The following EDIL3 variants were observed in gnomAD, a reference collection of about 807,000 sequenced individuals.
EDIL3 encodes the protein EGF like and discoidin domains 3.
EDIL3 carries 37 observed loss-of-function variants against 67.4 expected under a neutral mutation model. The observed-to-expected ratio is 0.55, with a 90% CI of 0.42 to 0.72. EDIL3 has a LOEUF of 0.72. Ranked by LOEUF, EDIL3 falls within the 30% of genes least tolerant of loss-of-function variation. The pLI is 0.00. For missense variants in EDIL3, 527 were observed against 586.3 expected (o/e 0.90, Z 1.04); for synonymous variants, 195 against 196.3 (o/e 0.99, Z 0.05).
At chr5:84,244,212 A>C (rs1744861310) in intron 2 of EDIL3, among the ~76,000 whole-genome samples, 1 of 152,234 alleles carries the variant, frequency 6.6e-6, no homozygotes, top group Non-Finnish European at 1.5e-5. Flanking sequence ...GATTTGTATT[A>C]GATGTTACAG....
At chr5:84,286,621 A>G (rs1176570530) in intron 1 of EDIL3, among the ~76,000 whole-genome samples, 1 of 152,176 alleles carries the variant, frequency 6.6e-6, no homozygotes, top group Non-Finnish European at 1.5e-5. Context: ...GAGTCTTTAT[A>G]TAAGGGAGCC....
chr5:84,170,137 C>T (rs1477608246), intron 4 of EDIL3, among the ~76,000 whole-genome samples: 3 of 152,160 alleles, frequency 2.0e-5, no homozygotes, highest in Non-Finnish European at 2.9e-5. Flanking sequence ...GCTGCCTTTA[C>T]AGGAGAAATG....
At chr5:84,359,282 T>C (rs980787027) in intron 1 of EDIL3, among the ~76,000 whole-genome samples, 8 of 152,218 alleles carry the variant, frequency 5.3e-5, no homozygotes, top group African/African-American at 1.9e-4. Context: ...TTTGGATAAA[T>C]GTCATCTCTA....
intron 1 of EDIL3, among the ~76,000 whole-genome samples, chr5:84,353,852 T>G (rs1010049443): frequency 3.3e-5 from 5 of 152,192 alleles, no homozygotes; most frequent in African/African-American, 7.2e-5. Flanking sequence ...TTATTTTGTA[T>G]TTTTCAAAAT....
At chr5:84,381,501 T>A (rs1054794439) in intron 1 of EDIL3, among the ~76,000 whole-genome samples, 1 of 152,184 alleles carries the variant, frequency 6.6e-6, no homozygotes, top group Non-Finnish European at 1.5e-5. Flanking sequence ...TCTGTATAAA[T>A]GTAACTATAC....
intron 1 of EDIL3, among the ~76,000 whole-genome samples, chr5:84,305,930 A>ATAG (rs1746266191): frequency 8.0e-6 from 1 of 124,764 alleles, no homozygotes; most frequent in Non-Finnish European, 1.8e-5. Context: ...TAGATAGATA[A>ATAG]ATAAATAAAA....
At chr5:84,223,917 T>C (rs537524068) in intron 3 of EDIL3, among the ~76,000 whole-genome samples, 1 of 151,564 alleles carries the variant, frequency 6.6e-6, no homozygotes, top group Admixed American at 6.6e-5. Flanking sequence ...ATTTTTACCA[T>C]TTACATATAT....
intron 9 of EDIL3, among the ~76,000 whole-genome samples, chr5:83,977,287 T>C (rs1744891551): frequency 6.6e-6 from 1 of 151,886 alleles, no homozygotes; most frequent in Non-Finnish European, 1.5e-5. Context: ...ATTTTATGCA[T>C]TTCTGAAATA....
rs575131747 is a variant in EDIL3 at position 84,022,510 on chromosome 5, G to C, written c.1137+37790C>G. 3.9e-5 allele frequency among the ~76,000 whole-genome samples: 6 copies of C among 151,940 alleles called. No individual in the cohort carries two copies. The East Asian group carries it at 1.2e-3, about 29-fold the overall frequency. On this transcript the variant is annotated intron_variant, in intron 9 of 10. Transcript: ENST00000296591. ...ACTCTACCAAAAAATTATTAGAACT[G>C]ATAAACAATTTCAGTATACATAATG... is the stretch of plus-strand genomic sequence containing the variant.
chr5:84,153,383 G>T (rs539698022), intron 4 of EDIL3, among the ~76,000 whole-genome samples: 1 of 152,078 alleles, frequency 6.6e-6, no homozygotes, highest in Non-Finnish European at 1.5e-5. Context: ...TGCAACCTCC[G>T]CCTCCCAGGT....
rs1746108418 is a variant in EDIL3 at position 84,040,916 on chromosome 5, G to T, written c.1137+19384C>A. Among the ~76,000 whole-genome samples the T allele has an allele frequency of 2.6e-5, 4 of 152,192 alleles. No individual in the cohort carries two copies. The South Asian group carries it at 8.3e-4, about 31-fold the overall frequency. On this transcript the variant is annotated intron_variant, in intron 9 of 10. Transcript: ENST00000296591. ...GGAGGCCAAGGCCGATGGATCGCTT[G>T]AGCTCAAGAGTTCGAGACCAGCCTG... is the stretch of plus-strand genomic sequence containing the variant.
intron 3 of EDIL3, among the ~76,000 whole-genome samples, chr5:84,200,651 A>G (rs1034162347): frequency 6.6e-6 from 1 of 152,110 alleles, no homozygotes; most frequent in Non-Finnish European, 1.5e-5. Context: ...TGTTTTAACA[A>G]AACTAATTAG....
At chr5:84,010,480 T>C (rs142470733) in intron 9 of EDIL3, among the ~76,000 whole-genome samples, 2 of 152,286 alleles carry the variant, frequency 1.3e-5, no homozygotes, top group African/African-American at 4.8e-5. Flanking sequence ...ATTATTATTT[T>C]TCCAAATTAT....
intron 4 of EDIL3, among the ~76,000 whole-genome samples, chr5:84,152,383 A>G (rs1287406926): frequency 6.6e-6 from 1 of 152,226 alleles, no homozygotes; most frequent in Admixed American, 6.5e-5. Flanking sequence ...CTTCAAGACA[A>G]CAATTTCCAT....
At chr5:84,240,062 T>C (rs927194069) in intron 2 of EDIL3, among the ~76,000 whole-genome samples, 6 of 152,224 alleles carry the variant, frequency 3.9e-5, no homozygotes, top group Non-Finnish European at 7.3e-5. Flanking sequence ...TTAGAAATTC[T>C]AGATTAAAAC....
chr5:84,029,346 A>ACTTGCTCCT (rs1435964073), intron 9 of EDIL3, among the ~76,000 whole-genome samples: 2 of 152,162 alleles, frequency 1.3e-5, no homozygotes, highest in Non-Finnish European at 2.9e-5. Flanking sequence ...GTAAAACATG[A>ACTTGCTCCT]CTTGCTCCTC....
At chr5:84,366,701 C>T (rs541002927) in intron 1 of EDIL3, among the ~76,000 whole-genome samples, 6 of 152,188 alleles carry the variant, frequency 3.9e-5, no homozygotes, top group Non-Finnish European at 7.4e-5. Context: ...CCACTAACTA[C>T]GAAAGACTCT....
At chr5:83,975,375 CA>C (rs1384664650) in intron 9 of EDIL3, among the ~76,000 whole-genome samples, 7 of 151,932 alleles carry the variant, frequency 4.6e-5, no homozygotes, top group Admixed American at 4.6e-4. Flanking sequence ...TCATAAACCA[CA>C]ATCTTAAATT....
At chr5:83,953,693 G>A (rs536399940) in intron 10 of EDIL3, among the ~76,000 whole-genome samples, 20 of 151,750 alleles carry the variant, frequency 1.3e-4, no homozygotes, top group Non-Finnish European at 2.4e-4. Flanking sequence ...GAAAAACCGA[G>A]AGGACTGCCT....
Sources: gnomAD v4.1 joint callset for allele counts (sites outside exome capture counted in the v4.1 genomes callset) on GRCh38, gnomAD v4.1.1 for gene constraint, MANE v1.5 for transcripts, NCBI Gene and HGNC (gene_info 2026-07-23, HGNC 2026-07-21) for gene names.